Variants in EP400 observed in about 807,000 individuals in gnomAD.
EP400 encodes E1A binding protein p400.
Under a neutral mutation model 354.1 loss-of-function variants are expected in EP400, and 105 were observed. That is an observed-to-expected ratio of 0.30 (90% CI 0.25 to 0.35). The LOEUF is 0.35. EP400 is among the 10% of genes least tolerant of loss of function. The pLI is 1.00. For missense variants in EP400, 3,280 were observed against 4,121.0 expected (o/e 0.80, Z 5.59); for synonymous variants, 1,646 against 1,716.9 (o/e 0.96, Z 1.02).
At chr12:132,044,530 A>T in intron 35 of EP400, 141 bp from the exon 36 acceptor site, 1 of 1,218,830 alleles carries the variant, frequency 8.2e-7, no homozygotes, top group Non-Finnish European at 1.2e-6. Flanking sequence ...AGCTCTGATT[A>T]AAACATTTAT....
chr12:131,999,519 A>G (rs1298957418), intron 12 of EP400, among the ~76,000 whole-genome samples: 2 of 151,746 alleles, frequency 1.3e-5, no homozygotes, highest in African/African-American at 4.8e-5. Flanking sequence ...GCTCACTGCA[A>G]CCTCCGCCTC....
chr12:131,966,122 G>A (rs1223863273), intron 2 of EP400, among the ~76,000 whole-genome samples: 1 of 152,172 alleles, frequency 6.6e-6, no homozygotes, highest in African/African-American at 2.4e-5. Flanking sequence ...GGGTGCAGTG[G>A]CACACACCTG....
At chr12:132,032,214 G>A (rs1289574722) in intron 30 of EP400, 65 bp downstream of exon 30, 19 of 1,498,808 alleles carry the variant, frequency 1.3e-5, no homozygotes, top group Admixed American at 2.1e-5. Flanking sequence ...GTGAGGGCCT[G>A]CGGGGATGGC....
chr12:131,977,627 G>A (rs989759104), intron 2 of EP400, among the ~76,000 whole-genome samples: 1 of 151,828 alleles, frequency 6.6e-6, no homozygotes, highest in East Asian at 1.9e-4. Context: ...CTGTAATGCT[G>A]CCCCAGAGGT....
chr12:132,026,481 G>A (rs1009650256), intron 25 of EP400, among the ~76,000 whole-genome samples: 4 of 152,200 alleles, frequency 2.6e-5, no homozygotes, highest in Non-Finnish European at 4.4e-5. Flanking sequence ...GAGGCTGCAA[G>A]GCTGGAGTGG....
intron 50 of EP400, chr12:132,068,518 G>C (rs1474897339): frequency 1.3e-5 from 2 of 152,354 alleles, no homozygotes; most frequent in Non-Finnish European, 2.9e-5. Context: ...GGCCCTATGG[G>C]TGAAGCCCTG....
At chr12:131,966,547 A>T (rs1892089764) in intron 2 of EP400, among the ~76,000 whole-genome samples, 1 of 122,444 alleles carries the variant, frequency 8.2e-6, no homozygotes, top group South Asian at 2.9e-4. Context: ...TGGGCCACAG[A>T]GTGATACCCT....
At position 132,075,459 on chromosome 12, in the gene EP400, C is replaced by T. The variant is rs1014041069; in HGVS notation, c.9022-1057C>T. On this transcript the variant is annotated intron_variant, in intron 51 of 52. Coordinates refer to ENST00000389561, the MANE Select transcript of EP400 (RefSeq NM_015409.5). This position sits in a 1 kb window ranked among gnomAD's most constrained non-coding sequence, Gnocchi z 4.5. ...TTTCTTGCTAGTGCTTTATTTAAGACGTCTCAGGATTTTCAGTGCTGTGCC... is the reference window on the plus strand; with the variant it reads ...TTTCTTGCTAGTGCTTTATTTAAGATGTCTCAGGATTTTCAGTGCTGTGCC... 7.2e-5 allele frequency among the ~76,000 whole-genome samples: 11 copies of T among 152,184 alleles called. No homozygotes were observed. The highest frequency in any genetic ancestry group is 2.7e-4 in the African/African-American group (11 of 41,458).
intron 1 of EP400, among the ~76,000 whole-genome samples, chr12:131,958,110 C>T (rs536297894): frequency 2.0e-5 from 3 of 152,156 alleles, no homozygotes; most frequent in African/African-American, 7.2e-5. Flanking sequence ...GAAATAATCC[C>T]GAATATACTC....
chr12:132,065,105 G>A (rs1895846463), intron 48 of EP400: 1 of 809,658 alleles, frequency 1.2e-6, no homozygotes. Context: ...GCATCACCAA[G>A]CTTCTCAGGG....
chr12:131,977,024 A>T (rs531075189), intron 2 of EP400, among the ~76,000 whole-genome samples: 6 of 152,178 alleles, frequency 3.9e-5, no homozygotes, highest in Non-Finnish European at 8.8e-5. Context: ...ACCGTGTTCT[A>T]TTCCCTTCTT....
intron 1 of EP400, among the ~76,000 whole-genome samples, chr12:131,952,833 G>T (rs746968979): frequency 6.6e-6 from 1 of 152,122 alleles, no homozygotes; most frequent in African/African-American, 2.4e-5. Flanking sequence ...CATTTGGATT[G>T]TTTCCAGTTC....
intron 2 of EP400, among the ~76,000 whole-genome samples, chr12:131,978,542 C>T (rs762719442): frequency 5.3e-5 from 8 of 152,004 alleles, no homozygotes; most frequent in Non-Finnish European, 1.0e-4. Flanking sequence ...AAGATGGGGT[C>T]TCTTACTTTG....
intron 39 of EP400, among the ~76,000 whole-genome samples, chr12:132,047,851 C>T (rs1042028752): frequency 4.6e-5 from 7 of 151,772 alleles, no homozygotes; most frequent in East Asian, 1.9e-4. Context: ...CAGCTGTGAC[C>T]GTAAAAGACA....
At chr12:131,967,797 T>G (rs985023889) in intron 2 of EP400, among the ~76,000 whole-genome samples, 7 of 152,178 alleles carry the variant, frequency 4.6e-5, no homozygotes, top group South Asian at 4.1e-4. Flanking sequence ...TCGTTTTGCT[T>G]CTTCTCTAGT....
rs771851487 is a variant in EP400 at position 132,017,726 on chromosome 12, G to T, written c.4110+5G>T. 1.3e-5 allele frequency: 19 copies of T among 1,515,406 alleles called. 1 individual carries two copies. The South Asian group carries it at 2.5e-4, about 20-fold the overall frequency. 93.9% of individuals were successfully genotyped at this position (1,515,406 alleles called of 1,614,324 possible). A position where few individuals can be genotyped will look rare whatever the true frequency, so the allele number is the denominator to read the frequency against. ...CTGGAGAGAGATTTCTGGAAGGTAA[G>T]TGGAGGATCCAGAAAGCGGAATTAC... On this transcript the variant is annotated splice_donor_5th_base_variant and intron_variant, in intron 20 of 52. Transcript: ENST00000389561. The surrounding 1 kb of genome is among the most constrained non-coding windows in gnomAD (Gnocchi z 5.0).
chr12:132,059,772 T>C (rs570974692), intron 45 of EP400, among the ~76,000 whole-genome samples: 2 of 152,144 alleles, frequency 1.3e-5, no homozygotes, highest in East Asian at 1.9e-4. Flanking sequence ...TCCCAGCATC[T>C]TGGGAGGCCA....
chr12:132,015,002 C>T (rs1393655927), intron 19 of EP400, among the ~76,000 whole-genome samples: 4 of 152,186 alleles, frequency 2.6e-5, no homozygotes, highest in South Asian at 2.1e-4. Context: ...CTCTGGGTCT[C>T]CCTCTCTGTG....
At chr12:132,053,658 A>G (rs1895384735) in intron 43 of EP400, 61 bp downstream of exon 43, 2 of 1,430,326 alleles carry the variant, frequency 1.4e-6, no homozygotes, top group Non-Finnish European at 1.8e-6. Context: ...CCTGCACTTG[A>G]TTCAAGTGCT....
Sources: gnomAD v4.1 joint callset for allele counts (sites outside exome capture counted in the v4.1 genomes callset) on GRCh38, gnomAD v4.1.1 for gene constraint, Gnocchi (gnomAD v3.1) non-coding constraint, MANE v1.5 for transcripts, NCBI Gene and HGNC (gene_info 2026-07-23, HGNC 2026-07-21) for gene names.